Variants in RGS6 observed in about 807,000 individuals in gnomAD.
RGS6 encodes the protein regulator of G-protein signaling 6.
Under a neutral mutation model 78.5 loss-of-function variants are expected in RGS6, and 30 were observed. That is an observed-to-expected ratio of 0.38 (90% CI 0.29 to 0.52). The LOEUF (loss-of-function observed/expected upper bound fraction) is 0.52, where lower values mean the gene tolerates loss of function less well. Ranked by LOEUF, RGS6 falls within the 20% of genes least tolerant of loss-of-function variation. RGS6 has a pLI of 0.85. For synonymous variants in RGS6, 206 were observed against 206.0 expected (o/e 1.00, Z 0.00); for missense variants, 495 against 609.7 (o/e 0.81, Z 1.98).
chr14:72,376,164 C>T (rs968588689), intron 3 of RGS6, among the ~76,000 whole-genome samples: 7 of 151,994 alleles, frequency 4.6e-5, no homozygotes, highest in African/African-American at 7.2e-5. Flanking sequence ...AGATAGATAT[C>T]ATTTAAAATG....
chr14:72,220,264 T>C (rs2046551087), intron 2 of RGS6, among the ~76,000 whole-genome samples: 1 of 150,804 alleles, frequency 6.6e-6, no homozygotes, highest in Non-Finnish European at 1.5e-5. Context: ...TCCACATGAA[T>C]TTTTTTTTTC....
At chr14:71,900,721 T>C in the RGS6 span, among the ~76,000 whole-genome samples, 1 of 152,066 alleles carries the variant, frequency 6.6e-6, no homozygotes, top group African/African-American at 2.4e-5. Context: ...TGTTAGGCTG[T>C]TTTTTTATTG....
At chr14:72,405,661 C>T (rs554386533) in intron 3 of RGS6, among the ~76,000 whole-genome samples, 208 of 152,156 alleles carry the variant, frequency 1.4e-3, no homozygotes, top group Non-Finnish European at 2.0e-3. Flanking sequence ...GCCTGTAACC[C>T]ATGTGGCCTT....
intron 2 of RGS6, among the ~76,000 whole-genome samples, chr14:72,350,572 C>T (rs1172394476): frequency 2.6e-5 from 4 of 152,150 alleles, no homozygotes; most frequent in Non-Finnish European, 5.9e-5. Context: ...ATTTAATACC[C>T]AGTGAGAAAC....
intron 1 of RGS6, among the ~76,000 whole-genome samples, chr14:71,950,220 C>CA (rs1470387463): frequency 3.3e-5 from 5 of 152,106 alleles, no homozygotes; most frequent in African/African-American, 9.6e-5. Context: ...GGTATTGGTA[C>CA]AAAAAACAGA....
chr14:71,893,404 C>G, the RGS6 span, among the ~76,000 whole-genome samples: 1 of 152,218 alleles, frequency 6.6e-6, no homozygotes, highest in Non-Finnish European at 1.5e-5. Flanking sequence ...ACCCTGTGCT[C>G]AGATGCTGAT....
the RGS6 span, among the ~76,000 whole-genome samples, chr14:71,899,774 T>A: frequency 6.6e-6 from 1 of 152,192 alleles, no homozygotes; most frequent in African/African-American, 2.4e-5. Context: ...ATTACCAAAC[T>A]CCAGTCTTTA....
At chr14:72,390,557 T>C (rs111563626) in intron 3 of RGS6, among the ~76,000 whole-genome samples, 1 of 152,156 alleles carries the variant, frequency 6.6e-6, no homozygotes, top group African/African-American at 2.4e-5. Flanking sequence ...TTAATTCTCA[T>C]GTGAAATGAA....
intron 2 of RGS6, among the ~76,000 whole-genome samples, chr14:72,274,954 A>G (rs1296421685): frequency 6.6e-6 from 1 of 152,230 alleles, no homozygotes; most frequent in African/African-American, 2.4e-5. Flanking sequence ...ATGATCAACT[A>G]CTTTGGGGTT....
chr14:72,422,848 C>T (rs2094256103), intron 3 of RGS6, among the ~76,000 whole-genome samples: 1 of 152,154 alleles, frequency 6.6e-6, no homozygotes, highest in Non-Finnish European at 1.5e-5. Flanking sequence ...AGATCCAGGG[C>T]CCATCTGCAA....
At chr14:72,412,512 A>C (rs2093494811) in intron 3 of RGS6, among the ~76,000 whole-genome samples, 1 of 152,174 alleles carries the variant, frequency 6.6e-6, no homozygotes, top group South Asian at 2.1e-4. Context: ...CTTTTCAAAA[A>C]ACCAGCTCCT....
chr14:72,349,783 A>G (rs1261130387), intron 2 of RGS6, among the ~76,000 whole-genome samples: 1 of 152,208 alleles, frequency 6.6e-6, no homozygotes, highest in Non-Finnish European at 1.5e-5. Flanking sequence ...AATCCTTCAA[A>G]TCCAGCCCGC....
intron 2 of RGS6, among the ~76,000 whole-genome samples, chr14:72,016,617 G>A (rs1469221345): frequency 6.6e-6 from 1 of 152,038 alleles, no homozygotes; most frequent in Admixed American, 6.6e-5. Flanking sequence ...CGCCCTCCTC[G>A]GCCTCCCAAA....
chr14:72,014,841 G>T (rs1032877086), intron 2 of RGS6, among the ~76,000 whole-genome samples: 5 of 152,022 alleles, frequency 3.3e-5, no homozygotes, highest in African/African-American at 1.2e-4. Context: ...CTCCATACCC[G>T]TCTGCCTTCT....
At chr14:72,433,667 C>T (rs964199064) in intron 3 of RGS6, among the ~76,000 whole-genome samples, 7 of 152,250 alleles carry the variant, frequency 4.6e-5, no homozygotes, top group Admixed American at 3.3e-4. Context: ...CTTGCCTCCA[C>T]GACTCAACTC....
chr14:72,032,669 A>G (rs2091085604), intron 2 of RGS6, among the ~76,000 whole-genome samples: 2 of 152,072 alleles, frequency 1.3e-5, no homozygotes, highest in African/African-American at 4.8e-5. Flanking sequence ...AATTTCGACT[A>G]CTTAAGTATA....
In RGS6 at chr14:71,977,871, G is replaced by A. The variant is rs898399772; in HGVS notation, c.84+12996G>A. Among the ~76,000 whole-genome samples the A allele has an allele frequency of 5.6e-3, 857 of 152,076 alleles. 9 individuals are homozygous for A. Among genetic ancestry groups the A allele is most frequent in the African/African-American group, 0.019 (800 of 41,466 alleles). On this transcript the variant is annotated intron_variant, in intron 2 of 17. Coordinates refer to ENST00000553525, the MANE Select transcript of RGS6 (RefSeq NM_001204424.2). The stretch of plus-strand genomic sequence containing the variant: ...CCTTGGGCAGTATGGCCATTTTCAC[G>A]ATATTGATTCTCCCTACCCATGAGC...
chr14:72,499,747 T>G (rs141470618), intron 13 of RGS6, among the ~76,000 whole-genome samples: 44 of 152,240 alleles, frequency 2.9e-4, no homozygotes, highest in African/African-American at 9.9e-4. Flanking sequence ...GTCCCCCAGA[T>G]CCTCACATGG....
At chr14:72,479,181 T>C (rs149616883) in intron 12 of RGS6, among the ~76,000 whole-genome samples, 46 of 152,270 alleles carry the variant, frequency 3.0e-4, no homozygotes, top group Admixed American at 1.4e-3. Context: ...TGTAAGCCTT[T>C]CTCTGCTGGC....
Sources: gnomAD v4.1 joint callset for allele counts (sites outside exome capture counted in the v4.1 genomes callset) on GRCh38, gnomAD v4.1.1 for gene constraint, MANE v1.5 for transcripts, NCBI Gene and HGNC (gene_info 2026-07-23, HGNC 2026-07-21) for gene names.